DNASE2: variants seen among roughly 807,000 people sequenced by gnomAD.
The protein encoded by DNASE2 is deoxyribonuclease 2, lysosomal, also known as deoxyribonuclease-2-alpha.
In DNASE2, 26 loss-of-function variants were observed where a neutral mutation model predicts 29.8. The observed-to-expected ratio is 0.87, with a 90% CI of 0.64 to 1.21. DNASE2 has a LOEUF of 1.21. Ranked by LOEUF, DNASE2 falls within the 50% of genes most tolerant of loss-of-function variation. DNASE2 has a pLI of 0.00. For missense variants in DNASE2, 415 were observed against 455.6 expected (o/e 0.91, Z 0.81); for synonymous variants, 186 against 193.5 (o/e 0.96, Z 0.32).
chr19:12,877,695 G>A (rs1419595074), intron 5 of DNASE2, among the ~76,000 whole-genome samples: 2 of 150,036 alleles, frequency 1.3e-5, no homozygotes, highest in East Asian at 4.0e-4. Context: ...ACAGGTGCCC[G>A]CCACCATGCC....
intron 2 of DNASE2, 36 bp downstream of exon 2, chr19:12,880,936 G>T: frequency 2.5e-6 from 4 of 1,614,218 alleles, no homozygotes; most frequent in Non-Finnish European, 2.5e-6. Flanking sequence ...GGCAGCCCTA[G>T]AGTTTCGCCC....
Position 12,876,334 on chromosome 19 carries a change from G to T in DNASE2, c.739C>A (p.Leu247Ile). Residue 247 changes from leucine to isoleucine, a missense_variant, in exon 6 of 6, where the codon CTT (leucine) becomes ATT (isoleucine). Physicochemically the swap from Leu to Ile is conservative, Grantham distance 5. Transcript: ENST00000222219. ...DLYSGWLAAA[L>I]GTNLQVQFWH... ...AACTGGACCTGCAGGTTGGTACCAA[G>T]GGCTGCTGCCAACCAGCCGGAGTAC... 1 of 1,613,834 alleles carries T rather than the reference G, an allele frequency of 6.2e-7. No homozygotes were observed. The highest frequency in any genetic ancestry group is 8.5e-7 in the Non-Finnish European group (1 of 1,180,034).
chr19:12,878,520 C>G lies in DNASE2; in HGVS notation c.571G>C (p.Ala191Pro), dbSNP rs1484407118. 1.2e-6 allele frequency: 2 copies of G among 1,614,122 alleles called. No individual in the cohort carries two copies. The highest frequency in any genetic ancestry group is 1.7e-6 in the Non-Finnish European group (2 of 1,180,034). ...VYNYQLEGIF[A>P]QEFPDLENVV... ...TTCTCCAAGTCGGGGAATTCCTGGGCAAAGATCCCTTCCAGCTGGTAGTTA... is the reference window on the plus strand; with the variant it reads ...TTCTCCAAGTCGGGGAATTCCTGGGGAAAGATCCCTTCCAGCTGGTAGTTA... Residue 191 changes from alanine to proline, a missense_variant, in exon 5 of 6, where the codon GCC becomes CCC. Ala to Pro is a conservative substitution (Grantham distance 27). Coordinates refer to ENST00000222219, the MANE Select transcript of DNASE2 (RefSeq NM_001375.3).
intron 1 of DNASE2, 56 bp downstream of exon 1, chr19:12,881,234 T>C: frequency 6.2e-7 from 1 of 1,606,440 alleles, no homozygotes; most frequent in South Asian, 1.1e-5. Context: ...GCCATCCCGG[T>C]TGAGTGACCG....
intron 5 of DNASE2, among the ~76,000 whole-genome samples, chr19:12,877,455 G>C (rs775112271): frequency 6.6e-6 from 1 of 152,088 alleles, no homozygotes; most frequent in Non-Finnish European, 1.5e-5. Flanking sequence ...GCCCAGGCTG[G>C]TCTCAAACTC....
chr19:12,878,880 C>T lies in DNASE2; in HGVS notation c.347-46G>A, dbSNP rs751770483. The T allele has an allele frequency of 4.9e-5, 77 of 1,582,190 alleles. No homozygotes were observed. The East Asian group carries it at 9.5e-4, about 20-fold the overall frequency. ...AGGGGAGGTCGGGCGCAGTGGCTCA[C>T]GCCTGTAATCCCAGCACTTTGGGAG... On this transcript the variant is annotated intron_variant, in intron 3 of 5. Coordinates refer to ENST00000222219, the MANE Select transcript of DNASE2 (RefSeq NM_001375.3).
At position 12,881,000 on chromosome 19, in the gene DNASE2, T is replaced by G; in HGVS notation, c.239A>C (p.Gln80Pro). ...GCTGGTGTTGCTCCGGTACAGCGGC[T>G]GCAGGCTTCGGCCCACGGCCCCCTC... ...SPEGAVGRSLQPLYRSNTSQL... is the reference protein window; with the variant it reads ...SPEGAVGRSLPPLYRSNTSQL... The change falls in exon 2 of 6, where the codon CAG becomes CCG. Residue 80 changes from glutamine (Q) to proline (P), a missense_variant. Coordinates refer to ENST00000222219, the MANE Select transcript of DNASE2 (RefSeq NM_001375.3). The G allele has an allele frequency of 6.2e-7, 1 of 1,614,100 alleles. No homozygotes were observed. Among genetic ancestry groups the G allele is most frequent in the Non-Finnish European group, 8.5e-7 (1 of 1,180,020 alleles).
Sources: allele counts gnomAD v4.1 joint callset (sites outside exome capture counted in the v4.1 genomes callset), GRCh38; gene constraint gnomAD v4.1.1; transcripts MANE v1.5; gene names NCBI Gene and HGNC (gene_info 2026-07-23, HGNC 2026-07-21).